The following ARHGAP32 variants were observed in gnomAD, a reference collection of about 807,000 sequenced individuals.
The protein encoded by ARHGAP32 is Rho GTPase activating protein 32.
A neutral mutation model predicts 186.5 loss-of-function variants in ARHGAP32; 51 were observed. The ratio of observed to expected loss-of-function variants is 0.27; its 90% confidence interval spans 0.22 to 0.35. The LOEUF (loss-of-function observed/expected upper bound fraction) is 0.35. ARHGAP32 is among the 10% of genes least tolerant of loss of function. The probability of loss-of-function intolerance (pLI) is 1.00; values close to 1 mark genes in which losing one functional copy is unlikely to be tolerated. For synonymous variants in ARHGAP32, 950 were observed against 964.3 expected, an observed-to-expected ratio of 0.99 and a Z score of 0.27; for missense variants, 2,186 against 2,623.5, an observed-to-expected ratio of 0.83 and a Z score of 3.64.
At chr11:129,245,229 GA>G (rs1945076042) in intron 1 of ARHGAP32, among the ~76,000 whole-genome samples, 1 of 138,228 alleles carries the variant, frequency 7.2e-6, no homozygotes, top group African/African-American at 2.7e-5. Flanking sequence ...ACTGGATTAA[GA>G]AAATGTGGCA....
At chr11:129,090,963 C>T (rs976154744) in intron 6 of ARHGAP32, among the ~76,000 whole-genome samples, 4 of 152,116 alleles carry the variant, frequency 2.6e-5, no homozygotes, top group Non-Finnish European at 4.4e-5. Flanking sequence ...TCCTCATCCA[C>T]AGTAGCTGAT....
At chr11:129,208,586 G>A (rs987994046) in intron 1 of ARHGAP32, among the ~76,000 whole-genome samples, 6 of 151,672 alleles carry the variant, frequency 4.0e-5, no homozygotes, top group African/African-American at 7.3e-5. Flanking sequence ...AAATGGAAAA[G>A]ACAATTAATC....
intron 10 of ARHGAP32, among the ~76,000 whole-genome samples, chr11:129,048,447 T>C (rs1939901359): frequency 6.6e-6 from 1 of 151,720 alleles, no homozygotes; most frequent in Admixed American, 6.6e-5. Context: ...CAGATACTAA[T>C]GATAGTTTAA....
At chr11:129,108,048 T>C (rs1942099199) in intron 5 of ARHGAP32, among the ~76,000 whole-genome samples, 1 of 152,020 alleles carries the variant, frequency 6.6e-6, no homozygotes, top group African/African-American at 2.4e-5. Flanking sequence ...AAAATGTCAC[T>C]AATTCAATTA....
At chr11:129,017,182 A>G (rs1000057996) in intron 11 of ARHGAP32, among the ~76,000 whole-genome samples, 3 of 152,158 alleles carry the variant, frequency 2.0e-5, no homozygotes, top group Non-Finnish European at 2.9e-5. Context: ...TAGGCCAGGC[A>G]TGGTGGCTCA....
At chr11:129,268,112 A>G (rs559297396) in intron 1 of ARHGAP32, among the ~76,000 whole-genome samples, 167 of 152,278 alleles carry the variant, frequency 1.1e-3, no homozygotes, top group African/African-American at 3.9e-3. Flanking sequence ...TGCAATTTGT[A>G]TCCCTACCCC....
chr11:129,231,322 TAC>T (rs1487808762), intron 1 of ARHGAP32, among the ~76,000 whole-genome samples: 1 of 152,160 alleles, frequency 6.6e-6, no homozygotes, highest in African/African-American at 2.4e-5. Context: ...GAAATCTCAG[TAC>T]AGACGCACTT....
At chr11:129,216,812 G>A (rs559688276) in intron 1 of ARHGAP32, among the ~76,000 whole-genome samples, 26 of 151,670 alleles carry the variant, frequency 1.7e-4, no homozygotes, top group African/African-American at 6.3e-4. Context: ...ATTGCCCAGT[G>A]ATAGTGATTT....
At chr11:128,990,826 A>T (rs1381855130) in intron 12 of ARHGAP32, among the ~76,000 whole-genome samples, 2 of 152,164 alleles carry the variant, frequency 1.3e-5, no homozygotes, top group Non-Finnish European at 2.9e-5. Context: ...TTCAAAGGGA[A>T]TGTATTTAGA....
chr11:129,141,120 A>G (rs1943042906), intron 2 of ARHGAP32, among the ~76,000 whole-genome samples: 1 of 152,220 alleles, frequency 6.6e-6, no homozygotes, highest in East Asian at 1.9e-4. Context: ...AAGCAAGGAA[A>G]TATAAAATTG....
chr11:129,245,649 C>G (rs1308092588), intron 1 of ARHGAP32, among the ~76,000 whole-genome samples: 1 of 134,764 alleles, frequency 7.4e-6, no homozygotes, highest in East Asian at 2.2e-4. Context: ...GAATTATCAA[C>G]AGATTAAAAT....
chr11:129,088,964 C>T (rs1439609545), intron 6 of ARHGAP32, among the ~76,000 whole-genome samples: 1 of 130,662 alleles, frequency 7.7e-6, no homozygotes, highest in Non-Finnish European at 1.5e-5. Flanking sequence ...TGCCACTGTA[C>T]TCCAGCCTGG....
At chr11:129,203,490 AAAG>A (rs1468501427) in intron 1 of ARHGAP32, among the ~76,000 whole-genome samples, 1 of 152,192 alleles carries the variant, frequency 6.6e-6, no homozygotes, top group Non-Finnish European at 1.5e-5. Flanking sequence ...TATAGGACTG[AAAG>A]AAGAAAACAG....
intron 5 of ARHGAP32, among the ~76,000 whole-genome samples, chr11:129,116,146 G>A (rs1339315526): frequency 6.6e-6 from 1 of 152,068 alleles, no homozygotes; most frequent in Non-Finnish European, 1.5e-5. Context: ...GAAAGAGAGA[G>A]TGAGAATGTG....
intron 1 of ARHGAP32, among the ~76,000 whole-genome samples, chr11:129,190,635 G>A (rs1944251692): frequency 6.6e-6 from 1 of 152,094 alleles, no homozygotes; most frequent in Admixed American, 6.6e-5. Flanking sequence ...GTAAATCTAG[G>A]ATTACAGTAC....
rs1253363108 is a variant in ARHGAP32 at position 128,969,068 on chromosome 11, G to C, written c.6145C>G (p.His2049Asp). Residue 2049 changes from histidine to aspartate, a missense_variant, in exon 23 of 23, where the codon CAC becomes GAC. Coordinates refer to ENST00000682385, the MANE Select transcript of ARHGAP32 (RefSeq NM_001378024.1). This position sits in a 1 kb window ranked among gnomAD's most constrained non-coding sequence, Gnocchi z 4.8. Reference protein sequence around the residue: ...NLEDYHSLPQHQRGVFGGGGM... With the variant: ...NLEDYHSLPQDQRGVFGGGGM... Reference sequence around the variant, plus strand: ...CCCCCTCCAAAGACTCCTCGCTGGTGCTGAGGCAGGGAGTGGTAATCTTCC... The same window carrying C: ...CCCCCTCCAAAGACTCCTCGCTGGTCCTGAGGCAGGGAGTGGTAATCTTCC... 1 of 1,611,370 alleles carries C rather than the reference G, an allele frequency of 6.2e-7. No individual in the cohort carries two copies. Among genetic ancestry groups the C allele is most frequent in the Non-Finnish European group, 8.5e-7 (1 of 1,178,344 alleles).
rs144552375 is a variant in ARHGAP32, at chr11:128,974,792, A to G, written c.2405T>C (p.Ile802Thr). The G allele has an allele frequency of 2.5e-6, 4 of 1,613,998 alleles. No individual in the cohort carries two copies. The highest frequency in any genetic ancestry group is 1.3e-5 in the African/African-American group (1 of 74,914). Residue 802 changes from isoleucine (I) to threonine (T), a missense_variant, in exon 21 of 23, where the codon ATT (isoleucine) becomes ACT (threonine). Physicochemically the swap from Ile to Thr is moderately conservative, Grantham distance 89. Transcript: ENST00000682385. ...ATCAAAATCCAGGCTGGCTACTCCA[A>G]TGTCTGGTGGGCTCAAGTCAACATC... is the stretch of plus-strand genomic sequence containing the variant. ...AEDVDLSPPD[I>T]GVASLDFDPM...
chr11:129,170,547 A>T (rs1336370439), intron 1 of ARHGAP32, among the ~76,000 whole-genome samples: 1 of 152,136 alleles, frequency 6.6e-6, no homozygotes, highest in Non-Finnish European at 1.5e-5. Flanking sequence ...TCCATGGTGC[A>T]TATGTACCAC....
At chr11:129,161,005 T>A (rs1943518116) in intron 2 of ARHGAP32, among the ~76,000 whole-genome samples, 1 of 152,056 alleles carries the variant, frequency 6.6e-6, no homozygotes, top group South Asian at 2.1e-4. Context: ...ACGCCACACA[T>A]CTACGACCCT....
Sources: gnomAD v4.1 joint callset for allele counts (sites outside exome capture counted in the v4.1 genomes callset) on GRCh38, gnomAD v4.1.1 for gene constraint, Gnocchi (gnomAD v3.1) non-coding constraint, MANE v1.5 for transcripts, NCBI Gene and HGNC (gene_info 2026-07-23, HGNC 2026-07-21) for gene names.